Variants in MEGF6 observed in about 807,000 individuals in gnomAD.
MEGF6 encodes multiple epidermal growth factor-like domains protein 6.
A neutral mutation model predicts 207.1 loss-of-function variants in MEGF6; 184 were observed. The ratio of observed to expected loss-of-function variants is 0.89; its 90% CI spans 0.79 to 1.00. MEGF6 has a LOEUF of 1.00. Among genes scored for constraint, MEGF6 ranks in the 50% least tolerant of loss-of-function variants. The pLI is 0.00. For synonymous variants in MEGF6, 1,038 were observed against 910.0 expected, an observed-to-expected ratio of 1.14 and a Z score of -2.53; for missense variants, 2,282 against 2,202.9, an observed-to-expected ratio of 1.04 and a Z score of -0.72.
intron 23 of MEGF6, 60 bp from the exon 24 acceptor site, chr1:3,499,326 A>C: frequency 3.2e-6 from 5 of 1,541,950 alleles, no homozygotes; most frequent in Non-Finnish European, 4.4e-6. Context: ...GGTTGGCAGC[A>C]GATCACAGCC....
At chr1:3,496,057 T>G (rs1640589877) in intron 29 of MEGF6, 39 bp from the exon 30 acceptor site, 1 of 1,478,362 alleles carries the variant, frequency 6.8e-7, no homozygotes, top group South Asian at 1.4e-5. Flanking sequence ...TGGCTTCCCT[T>G]CTCTCCCTGC....
the MEGF6 span, among the ~76,000 whole-genome samples, chr1:3,621,169 TGGA>T: frequency 1.6e-3 from 247 of 152,258 alleles, 2 homozygotes; most frequent in Non-Finnish European, 2.9e-3. Context: ...CCACAAGAGG[TGGA>T]GGAGTAGAGT....
At chr1:3,526,638 A>T (rs1010898772) in intron 4 of MEGF6, among the ~76,000 whole-genome samples, 1 of 151,936 alleles carries the variant, frequency 6.6e-6, no homozygotes, top group African/African-American at 2.4e-5. Flanking sequence ...ACCTCAGGTG[A>T]TCCACCCGCC....
chr1:3,561,865 G>T (rs527529906), intron 4 of MEGF6, among the ~76,000 whole-genome samples: 1 of 152,256 alleles, frequency 6.6e-6, no homozygotes. Context: ...CAAAACGTGG[G>T]AGGGGGCTTT....
chr1:3,530,741 T>G (rs987292268), intron 4 of MEGF6, among the ~76,000 whole-genome samples: 13 of 152,330 alleles, frequency 8.5e-5, no homozygotes, highest in Admixed American at 6.5e-4. Flanking sequence ...GTCTCCAGCC[T>G]GCCTTTTCAC....
In MEGF6 at chr1:3,517,820, G is replaced by A. The variant is rs138563075; in HGVS notation, c.605-2293C>T. Among the ~76,000 whole-genome samples the A allele has an allele frequency of 6.2e-3, 937 of 152,340 alleles. 4 individuals carry two copies. Among genetic ancestry groups the A allele is most frequent in the Middle Eastern group, 0.027 (8 of 294 alleles). On this transcript the variant is annotated intron_variant, in intron 5 of 36. Coordinates refer to ENST00000356575, the MANE Select transcript of MEGF6 (RefSeq NM_001409.4). ...AGACCCTCCCTGTCTGTGCTCCACA[G>A]CCCTCACCTGGCTCACCTGCGGACA...
At chr1:3,511,900 T>C (rs1641362995) in intron 8 of MEGF6, 106 bp downstream of exon 8, 5 of 1,546,692 alleles carry the variant, frequency 3.2e-6, no homozygotes, top group Non-Finnish European at 4.4e-6. Context: ...GGGCTGCCCC[T>C]GATTGACAAG....
chr1:3,554,409 G>A (rs59048512), intron 4 of MEGF6, among the ~76,000 whole-genome samples: 2,372 of 152,252 alleles, frequency 0.016, 33 homozygotes, highest in African/African-American at 0.036. Context: ...CAGGTGTCCC[G>A]GTGAGAGGGG....
intron 4 of MEGF6, among the ~76,000 whole-genome samples, chr1:3,540,425 G>A (rs944686577): frequency 6.6e-6 from 1 of 152,218 alleles, no homozygotes; most frequent in Non-Finnish European, 1.5e-5. Context: ...GCCACCCACA[G>A]GAACGTGGCC....
At chr1:3,524,987 G>T (rs973886373) in intron 4 of MEGF6, among the ~76,000 whole-genome samples, 1 of 152,168 alleles carries the variant, frequency 6.6e-6, no homozygotes, top group South Asian at 2.1e-4. Flanking sequence ...GTGGCCCCGC[G>T]GACACCTTGG....
rs550732818 is a variant in MEGF6 at position 3,598,241 on chromosome 1, G to A, written c.267-2794C>T. 5.9e-5 allele frequency among the ~76,000 whole-genome samples: 9 copies of A among 152,312 alleles called. No homozygotes were observed. In the East Asian group the frequency reaches 1.2e-3, roughly 20 times the overall value. ...GGTAACAAAACACCCCCAGCTTGCC[G>A]GGGCTGCTGCATGGGAAGCCGGAGG... On this transcript the variant is annotated intron_variant, in intron 2 of 36. Transcript: ENST00000356575.
At chr1:3,507,068 C>T (rs888848335) in intron 14 of MEGF6, among the ~76,000 whole-genome samples, 5 of 152,140 alleles carry the variant, frequency 3.3e-5, no homozygotes, top group East Asian at 1.9e-4. Flanking sequence ...AAGGGAGGCA[C>T]ACTGACAGGG....
rs943366675 is a variant in MEGF6, at chr1:3,556,286, G to A, written c.481+23539C>T. Reference sequence around the variant, plus strand: ...GCTCTGTGTGAGGCCCGCAGGCCAGGTCAGAATTAAACTCCATGATCTTGG... The same window carrying A: ...GCTCTGTGTGAGGCCCGCAGGCCAGATCAGAATTAAACTCCATGATCTTGG... On this transcript the variant is annotated intron_variant, in intron 4 of 36. Transcript: ENST00000356575. This position sits in a 1 kb window ranked among gnomAD's most constrained non-coding sequence, Gnocchi z 4.4. Among the ~76,000 whole-genome samples the A allele has an allele frequency of 6.6e-6, 1 of 152,232 alleles. No individual in the cohort carries two copies. Among genetic ancestry groups the A allele is most frequent in the East Asian group, 1.9e-4 (1 of 5,202 alleles).
Position 3,560,953 on chromosome 1 carries a change from C to T in MEGF6, c.481+18872G>A, listed in dbSNP as rs976030887. On this transcript the variant is annotated intron_variant, in intron 4 of 36. Coordinates refer to ENST00000356575, the MANE Select transcript of MEGF6 (RefSeq NM_001409.4). The surrounding 1 kb of genome is among the most constrained non-coding windows in gnomAD (Gnocchi z 4.0). Reference sequence around the variant, plus strand: ...CATCCATCTAGTGCCCCAGGGGCTTCGGAGGGCAGGGGTCAGCTCTAGGCC... The same window carrying T: ...CATCCATCTAGTGCCCCAGGGGCTTTGGAGGGCAGGGGTCAGCTCTAGGCC... Among the ~76,000 whole-genome samples the T allele has an allele frequency of 1.3e-4, 20 of 152,280 alleles. No individual in the cohort carries two copies. The highest frequency in any genetic ancestry group is 4.6e-4 in the African/African-American group (19 of 41,560).
upstream of MEGF6, among the ~76,000 whole-genome samples, chr1:3,613,690 A>G (rs1644354675): frequency 6.6e-6 from 1 of 152,214 alleles, no homozygotes; most frequent in Non-Finnish European, 1.5e-5. Context: ...CCTGAAACGT[A>G]TAAAATGAGG....
chr1:3,548,388 G>T lies in MEGF6; in HGVS notation c.482-24142C>A, dbSNP rs532227254. ...CCCATGAGAACGGGCCAAGCGGAAT[G>T]CAGGCCAGCCGTCTCCGGACTGTTG... On this transcript the variant is annotated intron_variant, in intron 4 of 36. Coordinates refer to ENST00000356575, the MANE Select transcript of MEGF6 (RefSeq NM_001409.4). Among the ~76,000 whole-genome samples the T allele has an allele frequency of 3.2e-3, 481 of 152,384 alleles. 2 individuals carry two copies. Among genetic ancestry groups the T allele is most frequent in the African/African-American group, 0.011 (460 of 41,592 alleles).
intron 4 of MEGF6, among the ~76,000 whole-genome samples, chr1:3,538,685 A>T (rs1642406357): frequency 7.2e-6 from 1 of 139,738 alleles, no homozygotes; most frequent in Non-Finnish European, 1.5e-5. Flanking sequence ...GCCGGCCAGC[A>T]GAGCATGTGC....
chr1:3,603,290 G>T (rs538660950), intron 1 of MEGF6, among the ~76,000 whole-genome samples: 2 of 151,828 alleles, frequency 1.3e-5, no homozygotes, highest in African/African-American at 2.4e-5. Context: ...GTGGAGAAAG[G>T]ACTCAGGCCC....
At chr1:3,491,547 G>A (rs1185507921) in intron 35 of MEGF6, among the ~76,000 whole-genome samples, 1 of 151,980 alleles carries the variant, frequency 6.6e-6, no homozygotes, top group Non-Finnish European at 1.5e-5. Flanking sequence ...GCCTTAGAAA[G>A]GCACAAACAG....
Sources: allele counts gnomAD v4.1 joint callset (sites outside exome capture counted in the v4.1 genomes callset), GRCh38; gene constraint gnomAD v4.1.1; non-coding constraint Gnocchi (gnomAD v3.1); transcripts MANE v1.5; gene names NCBI Gene and HGNC (gene_info 2026-07-23, HGNC 2026-07-21).